MYO1D: variants seen among roughly 807,000 people sequenced by gnomAD.
MYO1D encodes unconventional myosin-Id.
A neutral mutation model predicts 122.0 loss-of-function variants in MYO1D; 83 were observed. The observed-to-expected ratio is 0.68, with a 90% CI of 0.57 to 0.82. The LOEUF (loss-of-function observed/expected upper bound fraction) is 0.82, where lower values mean the gene tolerates loss of function less well. Ranked by LOEUF, MYO1D falls within the 40% of genes least tolerant of loss-of-function variation. The pLI, the probability that MYO1D is intolerant of heterozygous loss-of-function variation, is 0.00. For missense variants in MYO1D, 1,157 were observed against 1,269.5 expected, an observed-to-expected ratio of 0.91 and a Z score of 1.35; for synonymous variants, 464 against 446.9, an observed-to-expected ratio of 1.04 and a Z score of -0.48.
chr17:32,683,945 CGTG>C (rs1210275899), intron 16 of MYO1D, among the ~76,000 whole-genome samples: 1 of 152,190 alleles, frequency 6.6e-6, no homozygotes, highest in Non-Finnish European at 1.5e-5. Flanking sequence ...CATATAGTCT[CGTG>C]GTGCGCCGTT....
At chr17:32,876,700 G>C in intron 1 of MYO1D, 78 bp downstream of exon 1, 3 of 1,255,706 alleles carry the variant, frequency 2.4e-6, no homozygotes, top group South Asian at 1.4e-5. Flanking sequence ...CGACACCCCG[G>C]ATCCGGCCGC....
intron 1 of MYO1D, among the ~76,000 whole-genome samples, chr17:32,799,437 C>T (rs554430932): frequency 5.9e-5 from 9 of 152,126 alleles, no homozygotes; most frequent in Admixed American, 5.2e-4. Context: ...AATAGCTGTC[C>T]TCAATCTCTT....
chr17:32,584,024 G>C (rs529225736), intron 21 of MYO1D, among the ~76,000 whole-genome samples: 1 of 151,862 alleles, frequency 6.6e-6, no homozygotes, highest in African/African-American at 2.4e-5. Flanking sequence ...GGCTGCCCTC[G>C]AACTCCTGGG....
At position 32,543,551 on chromosome 17, in the gene MYO1D, G is replaced by T. The variant is rs1055374378; in HGVS notation, c.2865-48636C>A. 2.4e-4 allele frequency among the ~76,000 whole-genome samples: 35 copies of T among 146,560 alleles called. 1 individual carries two copies. The highest frequency in any genetic ancestry group is 9.0e-4 in the African/African-American group (35 of 39,078). On this transcript the variant is annotated intron_variant, in intron 21 of 21. Transcript: ENST00000318217. Reference sequence around the variant, plus strand: ...AGATCATGCCACTGCACTCCAGCCTGCGCAACATCAAGACTCTGTCTCAAA... The same window carrying T: ...AGATCATGCCACTGCACTCCAGCCTTCGCAACATCAAGACTCTGTCTCAAA...
chr17:32,866,424 A>G (rs2091125537), intron 1 of MYO1D, among the ~76,000 whole-genome samples: 1 of 152,066 alleles, frequency 6.6e-6, no homozygotes, highest in Non-Finnish European at 1.5e-5. Context: ...ACCTTATACT[A>G]CCTGCTGCCC....
intron 1 of MYO1D, among the ~76,000 whole-genome samples, chr17:32,796,152 A>G (rs2090414797): frequency 6.6e-6 from 1 of 152,214 alleles, no homozygotes; most frequent in Admixed American, 6.5e-5. Flanking sequence ...CAATATTTAT[A>G]TATTTATTCC....
At chr17:32,869,085 G>T (rs1409320453) in intron 1 of MYO1D, among the ~76,000 whole-genome samples, 1 of 151,900 alleles carries the variant, frequency 6.6e-6, no homozygotes, top group Non-Finnish European at 1.5e-5. Context: ...TGGGAGTGGT[G>T]GTACGTGCCT....
chr17:32,805,670 C>T (rs1365203152), intron 1 of MYO1D, among the ~76,000 whole-genome samples: 1 of 119,948 alleles, frequency 8.3e-6, no homozygotes, highest in Non-Finnish European at 1.8e-5. Context: ...AAATAATTCT[C>T]TGAAAAAAAA....
intron 1 of MYO1D, among the ~76,000 whole-genome samples, chr17:32,840,281 G>A (rs2090867976): frequency 6.6e-6 from 1 of 152,210 alleles, no homozygotes; most frequent in South Asian, 2.1e-4. Flanking sequence ...AAGGTTGCAA[G>A]GGTATCTCAT....
chr17:32,828,515 CAAAAAAAAAAAAAAA>C (rs137921871), intron 1 of MYO1D, among the ~76,000 whole-genome samples: 5 of 71,808 alleles, frequency 7.0e-5, no homozygotes, highest in African/African-American at 1.7e-4. Flanking sequence ...GACTCCGTCT[CAAAAAAAAAAAAAAA>C]AAAAAAAAAG....
At chr17:32,747,894 A>C (rs2089854335) in intron 12 of MYO1D, among the ~76,000 whole-genome samples, 1 of 152,068 alleles carries the variant, frequency 6.6e-6, no homozygotes, top group South Asian at 2.1e-4. Context: ...AGACACACAA[A>C]GAGGAGGGCA....
intron 1 of MYO1D, among the ~76,000 whole-genome samples, chr17:32,829,407 T>C (rs2090752086): frequency 1.3e-5 from 2 of 152,262 alleles, no homozygotes; most frequent in Admixed American, 1.3e-4. Context: ...GGTTGTACCC[T>C]AGTTCAATTA....
At chr17:32,819,917 C>T (rs922466453) in intron 1 of MYO1D, among the ~76,000 whole-genome samples, 14 of 152,292 alleles carry the variant, frequency 9.2e-5, no homozygotes, top group Non-Finnish European at 1.8e-4. Context: ...TCAATCTAGA[C>T]AACATGCATA....
chr17:32,504,186 T>G (rs1442727073), intron 21 of MYO1D, among the ~76,000 whole-genome samples: 2 of 152,170 alleles, frequency 1.3e-5, no homozygotes, highest in East Asian at 3.9e-4. Context: ...GCTGTCTGCC[T>G]CTCCACAGCA....
At chr17:32,622,105 G>A (rs1315880574) in intron 20 of MYO1D, among the ~76,000 whole-genome samples, 1 of 152,104 alleles carries the variant, frequency 6.6e-6, no homozygotes, top group Non-Finnish European at 1.5e-5. Flanking sequence ...TGCCTCAAAT[G>A]AAGCCCATTT....
intron 1 of MYO1D, among the ~76,000 whole-genome samples, chr17:32,812,993 C>A (rs1010600981): frequency 6.6e-6 from 1 of 152,170 alleles, no homozygotes; most frequent in East Asian, 1.9e-4. Context: ...GTCATCCACA[C>A]CCATCATCCA....
intron 21 of MYO1D, among the ~76,000 whole-genome samples, chr17:32,522,948 C>G (rs1190500242): frequency 6.6e-6 from 1 of 152,104 alleles, no homozygotes; most frequent in Non-Finnish European, 1.5e-5. Flanking sequence ...TCCCGAGTAG[C>G]TGGGACTACA....
chr17:32,802,560 T>C (rs2151044125), intron 1 of MYO1D, among the ~76,000 whole-genome samples: 1 of 152,328 alleles, frequency 6.6e-6, no homozygotes, highest in East Asian at 1.9e-4. Flanking sequence ...CTGTTAAAAA[T>C]CTGTGGTTAA....
At chr17:32,637,328 C>G (rs1254982147) in intron 20 of MYO1D, among the ~76,000 whole-genome samples, 3 of 152,170 alleles carry the variant, frequency 2.0e-5, no homozygotes, top group African/African-American at 7.2e-5. Flanking sequence ...TAAACTGTAA[C>G]TGCAATAGAA....
Sources: allele counts gnomAD v4.1 joint callset (sites outside exome capture counted in the v4.1 genomes callset), GRCh38; gene constraint gnomAD v4.1.1; transcripts MANE v1.5; gene names NCBI Gene and HGNC (gene_info 2026-07-23, HGNC 2026-07-21).